The following TFG variants were observed in gnomAD, a reference collection of about 807,000 sequenced individuals.
TFG encodes the protein trafficking from ER to golgi regulator.
Under a neutral mutation model 51.4 loss-of-function variants are expected in TFG, and 22 were observed. The observed-to-expected ratio is 0.43, with a 90% confidence interval of 0.31 to 0.61. The LOEUF (loss-of-function observed/expected upper bound fraction) is 0.61, where lower values mean the gene tolerates loss of function less well. Among genes scored for constraint, TFG ranks in the 20% least tolerant of loss-of-function variants. The pLI, the probability that TFG is intolerant of heterozygous loss-of-function variation, is 0.12. For missense variants in TFG, 419 were observed against 487.7 expected (o/e 0.86, Z 1.33); for synonymous variants, 187 against 165.6 (o/e 1.13, Z -0.99).
At chr3:100,742,216 C>G (rs980729710) in intron 6 of TFG, among the ~76,000 whole-genome samples, 1 of 152,006 alleles carries the variant, frequency 6.6e-6, no homozygotes, top group African/African-American at 2.4e-5. Flanking sequence ...TACCGTAAAT[C>G]CTCACTTAAC....
At chr3:100,719,078 G>A (rs1448751563) in intron 2 of TFG, among the ~76,000 whole-genome samples, 4 of 152,218 alleles carry the variant, frequency 2.6e-5, no homozygotes, top group African/African-American at 9.7e-5. Flanking sequence ...GTTATGGGAA[G>A]TGGGTCTGGC....
At chr3:100,714,140 A>G (rs1301468244) in intron 2 of TFG, among the ~76,000 whole-genome samples, 2 of 152,084 alleles carry the variant, frequency 1.3e-5, no homozygotes, top group South Asian at 2.1e-4. Context: ...ACGGTAGTTG[A>G]GACCTCACTT....
intron 5 of TFG, among the ~76,000 whole-genome samples, chr3:100,734,536 T>G (rs1293024449): frequency 6.6e-6 from 1 of 152,210 alleles, no homozygotes; most frequent in East Asian, 1.9e-4. Context: ...CTTTTAATTC[T>G]TATCCATTCT....
chr3:100,736,807 A>G, intron 6 of TFG, 91 bp downstream of exon 6: 3 of 1,415,114 alleles, frequency 2.1e-6, no homozygotes, highest in South Asian at 1.5e-5. Context: ...GTATTTAGTC[A>G]TGCCTTAAAC....
Position 100,712,161 on chromosome 3 carries a change from G to A in TFG, c.-43-1482G>A, listed in dbSNP as rs1354035891. On this transcript the variant is annotated intron_variant, in intron 1 of 7. Transcript: ENST00000240851. Reference sequence around the variant, plus strand: ...AATATCTGTTGAGAGCATGGTGAGGGGTCTAGAGATATTAATTTAAGGACT... The same window carrying A: ...AATATCTGTTGAGAGCATGGTGAGGAGTCTAGAGATATTAATTTAAGGACT... Among the ~76,000 whole-genome samples the A allele has an allele frequency of 2.0e-5, 3 of 152,142 alleles. No homozygotes were observed. In the East Asian group the frequency reaches 5.8e-4, roughly 29 times the overall value.
chr3:100,717,996 C>G (rs1170268859), intron 2 of TFG, among the ~76,000 whole-genome samples: 2 of 152,090 alleles, frequency 1.3e-5, no homozygotes, highest in Admixed American at 6.5e-5. Context: ...GTGATCATGG[C>G]TCATTGAAGC....
chr3:100,718,597 G>A (rs889336893), intron 2 of TFG, among the ~76,000 whole-genome samples: 28 of 100,858 alleles, frequency 2.8e-4, no homozygotes, highest in Middle Eastern at 0.022. Context: ...TTGCTTTGTC[G>A]TTTAGGCTGG....
rs543391130 is a variant in TFG at position 100,744,714 on chromosome 3, TTCTTGTA to T, written c.722-117_722-111del. On this transcript the variant is annotated intron_variant, in intron 6 of 7. Transcript: ENST00000240851. ...AGACATTTAAAGTTGAACAAATACT[TTCTTGTA>T]TATTGTTACTCTGTTTGGATGGAGA... 3.9e-4 allele frequency: 237 copies of T among 615,124 alleles called. 1 individual carries two copies. In the African/African-American group the frequency reaches 3.9e-3, roughly 10 times the overall value. 38.1% of individuals were successfully genotyped at this position (615,124 alleles called of 1,614,324 possible).
intron 7 of TFG, among the ~76,000 whole-genome samples, chr3:100,747,855 C>T (rs1429716055): frequency 6.6e-6 from 1 of 151,950 alleles, no homozygotes; most frequent in Non-Finnish European, 1.5e-5. Context: ...TTTGGTCTTC[C>T]TAGAAAGTAT....
At chr3:100,717,616 G>C (rs1340628237) in intron 2 of TFG, among the ~76,000 whole-genome samples, 1 of 118,522 alleles carries the variant, frequency 8.4e-6, no homozygotes, top group South Asian at 2.6e-4. Context: ...TCATCTTCTT[G>C]GTTAAACTGC....
intron 3 of TFG, among the ~76,000 whole-genome samples, chr3:100,725,377 T>A (rs2095072344): frequency 6.6e-6 from 1 of 152,076 alleles, no homozygotes; most frequent in Admixed American, 6.6e-5. Context: ...AAACATAAAA[T>A]TTTTTAAAAT....
intron 3 of TFG, among the ~76,000 whole-genome samples, chr3:100,725,764 G>C (rs951409489): frequency 6.6e-6 from 1 of 152,036 alleles, no homozygotes; most frequent in African/African-American, 2.4e-5. Flanking sequence ...CTGCATTACA[G>C]TCTGGGTGAC....
intron 4 of TFG, among the ~76,000 whole-genome samples, chr3:100,729,408 T>C (rs2095085211): frequency 6.6e-6 from 1 of 152,178 alleles, no homozygotes; most frequent in African/African-American, 2.4e-5. Context: ...TGACATGTAC[T>C]GTTTGTGTTA....
intron 2 of TFG, among the ~76,000 whole-genome samples, chr3:100,714,603 T>C (rs1258206961): frequency 1.3e-5 from 2 of 152,200 alleles, no homozygotes; most frequent in African/African-American, 4.8e-5. Context: ...CTTTTGTCCA[T>C]ATAATTCTGG....
intron 5 of TFG, among the ~76,000 whole-genome samples, chr3:100,735,170 C>T (rs1047710693): frequency 6.6e-6 from 1 of 152,094 alleles, no homozygotes; most frequent in Non-Finnish European, 1.5e-5. Flanking sequence ...TAGAAACCAT[C>T]ATCCATTTTA....
At chr3:100,721,945 G>A (rs2095061972) in intron 3 of TFG, among the ~76,000 whole-genome samples, 1 of 152,236 alleles carries the variant, frequency 6.6e-6, no homozygotes, top group Non-Finnish European at 1.5e-5. Flanking sequence ...GAGTGCAGGA[G>A]TTCGCGACCA....
At chr3:100,730,353 T>C (rs557254318) in intron 4 of TFG, among the ~76,000 whole-genome samples, 1 of 152,330 alleles carries the variant, frequency 6.6e-6, no homozygotes, top group East Asian at 1.9e-4. Flanking sequence ...TTTTTATACA[T>C]ACTGTTAGCT....
At chr3:100,736,818 A>C (rs1001677868) in intron 6 of TFG, 102 bp downstream of exon 6, 1 of 1,302,912 alleles carries the variant, frequency 7.7e-7, no homozygotes. Context: ...TGCCTTAAAC[A>C]CAGGAAAAAT....
rs1054726901 is a variant in TFG, at chr3:100,740,138, T to A, written c.721+3422T>A. On this transcript the variant is annotated intron_variant, in intron 6 of 7. Transcript: ENST00000240851. ...TTACATGTTTCTAAAATCCCTTACA[T>A]GTTTCTAAAATCAAAACTATGTGTA... Among the ~76,000 whole-genome samples the A allele has an allele frequency of 6.0e-5, 9 of 150,158 alleles. No individual in the cohort carries two copies. In the East Asian group the frequency reaches 1.9e-3, roughly 31 times the overall value.
Sources: gnomAD v4.1 joint callset for allele counts (sites outside exome capture counted in the v4.1 genomes callset) on GRCh38, gnomAD v4.1.1 for gene constraint, MANE v1.5 for transcripts, NCBI Gene and HGNC (gene_info 2026-07-23, HGNC 2026-07-21) for gene names.